SRSF11: variants seen among roughly 807,000 people sequenced by gnomAD.
SRSF11 encodes the protein serine/arginine-rich splicing factor 11.
In SRSF11, 9 loss-of-function variants were observed where a neutral mutation model predicts 56.0. The observed-to-expected ratio is 0.16, with a 90% confidence interval of 0.10 to 0.28. The LOEUF is 0.28. Ranked by LOEUF, SRSF11 falls within the 10% of genes least tolerant of loss-of-function variation. The pLI, the probability that SRSF11 is intolerant of heterozygous loss-of-function variation, is 1.00. For missense variants in SRSF11, 421 were observed against 600.7 expected, an observed-to-expected ratio of 0.70 and a Z score of 3.13; for synonymous variants, 222 against 215.3, an observed-to-expected ratio of 1.03 and a Z score of -0.27.
At position 70,237,545 on chromosome 1, in the gene SRSF11, A is replaced by G; in HGVS notation, c.711A>G (p.Ile237Met). 1.2e-6 allele frequency: 2 copies of G among 1,610,404 alleles called. No homozygotes were observed. Among genetic ancestry groups the G allele is most frequent in the Non-Finnish European group, 1.7e-6 (2 of 1,179,218 alleles). The change falls in exon 6 of 12, where the codon ATA (isoleucine) becomes ATG (methionine). Residue 237 changes from isoleucine to methionine, a missense_variant. Coordinates refer to ENST00000370949, the MANE Select transcript of SRSF11 (RefSeq NM_001350605.2). Reference protein sequence around the residue: ...REAQSLISAAIEPDKKEEKRR... With the variant: ...REAQSLISAAMEPDKKEEKRR... ...CACAGTCCCTAATTTCTGCTGCTATAGAACCAGGTAAACAATGTTTATGCA... is the reference window on the plus strand; with the variant it reads ...CACAGTCCCTAATTTCTGCTGCTATGGAACCAGGTAAACAATGTTTATGCA...
chr1:70,237,887 TC>T (rs1161490249), intron 6 of SRSF11, among the ~76,000 whole-genome samples: 1 of 152,220 alleles, frequency 6.6e-6, no homozygotes, highest in East Asian at 1.9e-4. Flanking sequence ...TTTATGTTTT[TC>T]TAAGTTGGGA....
chr1:70,250,038 C>A lies in SRSF11; in HGVS notation c.1109C>A (p.Ser370Tyr), dbSNP rs527639242. The change falls in exon 10 of 12, where the codon TCC becomes TAC. Residue 370 changes from serine (S) to tyrosine (Y), a missense_variant. Transcript: ENST00000370949. ...AAAAGAAAATTGTCCCGCTCACCAT[C>A]CCCTAGGAGGTAAGAATGTTAATCA... ...SPKRKLSRSP[S>Y]PRRHKKEKKK... is the part of the protein sequence containing the mutation. 4 of 1,611,930 alleles carry A rather than the reference C, an allele frequency of 2.5e-6. No homozygotes were observed. Among genetic ancestry groups the A allele is most frequent in the Non-Finnish European group, 3.4e-6 (4 of 1,178,276 alleles).
chr1:70,211,840 T>G (rs140971098), intron 1 of SRSF11, among the ~76,000 whole-genome samples: 90 of 152,330 alleles, frequency 5.9e-4, no homozygotes, highest in African/African-American at 2.1e-3. Flanking sequence ...GTACATGTTT[T>G]TCACTCAACA....
chr1:70,240,365 C>G (rs184554781), intron 7 of SRSF11, among the ~76,000 whole-genome samples: 1 of 152,268 alleles, frequency 6.6e-6, no homozygotes, highest in East Asian at 1.9e-4. Flanking sequence ...TGAGTGACTC[C>G]TAGGGCAGTT....
At chr1:70,226,921 A>G (rs1449269180) in intron 1 of SRSF11, among the ~76,000 whole-genome samples, 1 of 152,240 alleles carries the variant, frequency 6.6e-6, no homozygotes, top group Non-Finnish European at 1.5e-5. Context: ...TTTCACATCT[A>G]AAAACCACTG....
chr1:70,234,582 C>T, intron 3 of SRSF11, 114 bp from the exon 4 acceptor site: 2 of 741,340 alleles, frequency 2.7e-6, no homozygotes, highest in South Asian at 4.1e-5. Context: ...GTACGGAGAC[C>T]ATGTAGCCTG....
chr1:70,215,757 G>C (rs1296625270), intron 1 of SRSF11, among the ~76,000 whole-genome samples: 1 of 152,204 alleles, frequency 6.6e-6, no homozygotes, highest in African/African-American at 2.4e-5. Flanking sequence ...CCAGTGGGTA[G>C]CGGGATTATG....
Position 70,232,271 on chromosome 1 carries a change from T to G in SRSF11, c.341T>G (p.Val114Gly). ...ALIVVPYAEG[V>G]IPDEAKALSL... Reference sequence around the variant, plus strand: ...ATGCAAGGATGTTTCTCTGCAGGAGTTATTCCTGATGAAGCTAAAGCTTTG... The same window carrying G: ...ATGCAAGGATGTTTCTCTGCAGGAGGTATTCCTGATGAAGCTAAAGCTTTG... The change falls in exon 3 of 12, where the codon GTT (valine) becomes GGT (glycine). Residue 114 changes from valine (V) to glycine (G), a missense_variant. By Grantham distance (109) the Val-to-Gly change is moderately radical (BLOSUM62 -3). Coordinates refer to ENST00000370949, the MANE Select transcript of SRSF11 (RefSeq NM_001350605.2). 1 of 1,614,060 alleles carries G rather than the reference T, an allele frequency of 6.2e-7. No individual in the cohort carries two copies. The highest frequency in any genetic ancestry group is 8.5e-7 in the Non-Finnish European group (1 of 1,180,002).
intron 5 of SRSF11, among the ~76,000 whole-genome samples, chr1:70,236,066 CCTTAA>C (rs1374673850): frequency 2.6e-5 from 4 of 151,990 alleles, no homozygotes; most frequent in African/African-American, 9.7e-5. Flanking sequence ...TACCTTTTCC[CCTTAA>C]CTTGGTGAAA....
In SRSF11 at chr1:70,221,539, C is replaced by G; in HGVS notation, c.-98C>G. The G allele has an allele frequency of 6.8e-7, 1 of 1,473,416 alleles. No homozygotes were observed. The highest frequency in any genetic ancestry group is 9.1e-7 in the Non-Finnish European group (1 of 1,096,344). 91.3% of individuals were successfully genotyped at this position (1,473,416 alleles called of 1,614,324 possible). On this transcript the variant is annotated 5_prime_UTR_variant, in exon 1 of 12. Transcript: ENST00000370949. ...TAGCAGAGGCTGTAGCATCGGACAC[C>G]CTCCTCTCTCCCGCAATCCGGTTCC...
chr1:70,213,501 A>C (rs1003032072), intron 1 of SRSF11, among the ~76,000 whole-genome samples: 15 of 151,578 alleles, frequency 9.9e-5, no homozygotes, highest in African/African-American at 3.7e-4. Flanking sequence ...ATTTTTGTGG[A>C]TTTATTATGA....
chr1:70,252,271 A>G lies in SRSF11; in HGVS notation c.*1466A>G, dbSNP rs991316735. ...GTTGGATAAAGCAATGAACTTTAGTATAAACAAATCCCACCTATATCTAGC... is the reference window on the plus strand; with the variant it reads ...GTTGGATAAAGCAATGAACTTTAGTGTAAACAAATCCCACCTATATCTAGC... On this transcript the variant is annotated 3_prime_UTR_variant, in exon 12 of 12. Coordinates refer to ENST00000370949, the MANE Select transcript of SRSF11 (RefSeq NM_001350605.2). The G allele has an allele frequency of 1.3e-5, 2 of 152,148 alleles. No individual in the cohort carries two copies. Among genetic ancestry groups the G allele is most frequent in the Non-Finnish European group, 2.9e-5 (2 of 67,990 alleles). The allele number at this position is 152,148 out of a possible 1,614,324, so 9.4% of individuals were successfully genotyped here.
intron 1 of SRSF11, among the ~76,000 whole-genome samples, chr1:70,212,911 G>A (rs1019892056): frequency 6.6e-6 from 1 of 151,978 alleles, no homozygotes; most frequent in Non-Finnish European, 1.5e-5. Context: ...TATTAGCTGG[G>A]TGTGGCGGCG....
At chr1:70,206,889 C>CTTT (rs755835751) in intron 1 of SRSF11, among the ~76,000 whole-genome samples, 50 of 118,986 alleles carry the variant, frequency 4.2e-4, no homozygotes, top group Middle Eastern at 4.2e-3. Context: ...GGATTTTTGT[C>CTTT]TTTTTTTTTT....
chr1:70,232,188 G>T, intron 2 of SRSF11, 80 bp from the exon 3 acceptor site: 1 of 1,606,864 alleles, frequency 6.2e-7, no homozygotes. Flanking sequence ...TGGTGTATCA[G>T]GGAGACATTT....
At chr1:70,238,774 A>G (rs1029263496) in intron 6 of SRSF11, among the ~76,000 whole-genome samples, 3 of 152,218 alleles carry the variant, frequency 2.0e-5, no homozygotes, top group African/African-American at 7.2e-5. Flanking sequence ...AACCTTGTCA[A>G]GAGTAAATCA....
At chr1:70,246,763 A>T in intron 8 of SRSF11, 55 bp from the exon 9 acceptor site, 1 of 1,146,032 alleles carries the variant, frequency 8.7e-7, no homozygotes, top group Non-Finnish European at 1.3e-6. Flanking sequence ...AGTGCTATAT[A>T]AATTGGCATC....
At chr1:70,242,902 TTCCCATG>T (rs1169362305) in intron 7 of SRSF11, among the ~76,000 whole-genome samples, 1 of 152,198 alleles carries the variant, frequency 6.6e-6, no homozygotes, top group Non-Finnish European at 1.5e-5. Flanking sequence ...AAAGACTTAC[TTCCCATG>T]TCTTTGTGGA....
intron 2 of SRSF11, chr1:70,230,584 TA>T (rs546561685): frequency 2.3e-5 from 29 of 1,284,726 alleles, no homozygotes; most frequent in South Asian, 1.0e-4. Flanking sequence ...AAAGCAGCAG[TA>T]AAAAAAATAC....
Sources: allele counts gnomAD v4.1 joint callset (sites outside exome capture counted in the v4.1 genomes callset), GRCh38; gene constraint gnomAD v4.1.1; transcripts MANE v1.5; gene names NCBI Gene and HGNC (gene_info 2026-07-23, HGNC 2026-07-21).